The following CFAP299 variants were observed in gnomAD, a reference collection of about 807,000 sequenced individuals.
The protein encoded by CFAP299 is cilia and flagella associated protein 299.
CFAP299 carries 21 observed loss-of-function variants against 27.0 expected under a neutral mutation model. The ratio of observed to expected loss-of-function variants is 0.78; its 90% CI spans 0.55 to 1.12. CFAP299 has a LOEUF of 1.12. Among genes scored for constraint, CFAP299 ranks in the 50% most tolerant of loss-of-function variants. The pLI, the probability that CFAP299 is intolerant of heterozygous loss-of-function variation, is 0.00. For synonymous variants in CFAP299, 104 were observed against 98.1 expected, an observed-to-expected ratio of 1.06 and a Z score of -0.36; for missense variants, 310 against 276.6, an observed-to-expected ratio of 1.12 and a Z score of -0.86.
chr4:80,732,159 A>T (rs1435333104), intron 3 of CFAP299, among the ~76,000 whole-genome samples: 1 of 152,146 alleles, frequency 6.6e-6, no homozygotes, highest in Non-Finnish European at 1.5e-5. Context: ...CTGATTGGAA[A>T]TGTTCCAGAA....
intron 2 of CFAP299, among the ~76,000 whole-genome samples, chr4:80,417,448 G>T (rs1031355173): frequency 6.6e-6 from 1 of 152,066 alleles, no homozygotes; most frequent in African/African-American, 2.4e-5. Context: ...AGATGGAGTT[G>T]CCCTGATTCA....
intron 3 of CFAP299, among the ~76,000 whole-genome samples, chr4:80,656,472 A>G (rs1055037523): frequency 5.3e-5 from 8 of 151,890 alleles, no homozygotes; most frequent in Non-Finnish European, 1.0e-4. Flanking sequence ...GAGAACATGC[A>G]GTGTTTGGTT....
At chr4:80,761,926 A>G (rs1725561339) in intron 3 of CFAP299, among the ~76,000 whole-genome samples, 1 of 152,030 alleles carries the variant, frequency 6.6e-6, no homozygotes. Context: ...AATCAATATA[A>G]TTTTAGTACA....
chr4:80,775,410 A>G (rs1726478153), intron 3 of CFAP299, among the ~76,000 whole-genome samples: 1 of 152,034 alleles, frequency 6.6e-6, no homozygotes, highest in African/African-American at 2.4e-5. Context: ...ATGTATATTT[A>G]ATTTATTTAT....
At chr4:80,434,216 C>A (rs1727957124) in intron 2 of CFAP299, among the ~76,000 whole-genome samples, 1 of 152,022 alleles carries the variant, frequency 6.6e-6, no homozygotes, top group Admixed American at 6.6e-5. Context: ...CACAATACCC[C>A]AACATATTAG....
chr4:80,492,295 G>A (rs148479706), intron 2 of CFAP299, among the ~76,000 whole-genome samples: 677 of 152,224 alleles, frequency 4.4e-3, no homozygotes, highest in Middle Eastern at 0.01. Flanking sequence ...GCTATGTCAT[G>A]GGCCATGGTC....
At chr4:80,737,819 A>G (rs1010547150) in intron 3 of CFAP299, among the ~76,000 whole-genome samples, 1 of 152,104 alleles carries the variant, frequency 6.6e-6, no homozygotes, top group Admixed American at 6.6e-5. Context: ...GAGGTCAACA[A>G]CTTCAGGTTG....
chr4:80,668,142 GT>G (rs1295077523), intron 3 of CFAP299, among the ~76,000 whole-genome samples: 10 of 110,224 alleles, frequency 9.1e-5, no homozygotes, highest in South Asian at 7.5e-4. Flanking sequence ...CAGTTCTTTT[GT>G]TTGTTTTTAA....
intron 3 of CFAP299, among the ~76,000 whole-genome samples, chr4:80,737,209 T>C (rs1284930143): frequency 6.6e-6 from 1 of 151,812 alleles, no homozygotes; most frequent in Non-Finnish European, 1.5e-5. Flanking sequence ...ATGTACCTAA[T>C]GCTAGATGAC....
chr4:80,533,833 G>A (rs1158457051), intron 2 of CFAP299, among the ~76,000 whole-genome samples: 2 of 152,138 alleles, frequency 1.3e-5, no homozygotes, highest in East Asian at 1.9e-4. Flanking sequence ...TAGTTACATA[G>A]TAAGCTGTCC....
rs180986227 is a variant in CFAP299, at chr4:80,702,090, C to T, written c.333+118907C>T. Among the ~76,000 whole-genome samples, 6 of 151,910 alleles carry T rather than the reference C, an allele frequency of 3.9e-5. No homozygotes were observed. The East Asian group carries it at 1.2e-3, about 29-fold the overall frequency. Reference sequence around the variant, plus strand: ...GGAAAATGAGGTGAGGTGGAAAGAACTCTGCAGTGATGCAGAAGAAATGCA... The same window carrying T: ...GGAAAATGAGGTGAGGTGGAAAGAATTCTGCAGTGATGCAGAAGAAATGCA... On this transcript the variant is annotated intron_variant, in intron 3 of 5. Coordinates refer to ENST00000358105, the MANE Select transcript of CFAP299 (RefSeq NM_152770.3).
chr4:80,608,446 C>T, intron 3 of CFAP299: 1 of 957,616 alleles, frequency 1.0e-6, no homozygotes. Flanking sequence ...CTTCATCCTA[C>T]ATATATACTC....
chr4:80,565,435 A>G (rs11730141), intron 2 of CFAP299, among the ~76,000 whole-genome samples: 3,935 of 152,154 alleles, frequency 0.026, 170 homozygotes, highest in African/African-American at 0.087. Context: ...GAAAAGCAAT[A>G]TGACTAATTC....
intron 3 of CFAP299, among the ~76,000 whole-genome samples, chr4:80,732,207 G>A (rs984764018): frequency 6.6e-6 from 1 of 151,954 alleles, no homozygotes; most frequent in Admixed American, 6.6e-5. Flanking sequence ...CAGTTTCATG[G>A]TTTTCCCTCA....
intron 3 of CFAP299, among the ~76,000 whole-genome samples, chr4:80,854,841 A>T (rs1578185153): frequency 2.0e-5 from 3 of 147,096 alleles, no homozygotes; most frequent in South Asian, 2.1e-4. Context: ...AAAAAAACAG[A>T]AAAGGAAAAT....
At chr4:80,644,975 T>C (rs1056217738) in intron 3 of CFAP299, among the ~76,000 whole-genome samples, 1 of 152,132 alleles carries the variant, frequency 6.6e-6, no homozygotes, top group Non-Finnish European at 1.5e-5. Flanking sequence ...AAGATTTTAT[T>C]AACCTAGCTT....
intron 3 of CFAP299, among the ~76,000 whole-genome samples, chr4:80,762,763 C>T (rs1050299129): frequency 1.3e-5 from 2 of 152,032 alleles, no homozygotes; most frequent in Non-Finnish European, 2.9e-5. Flanking sequence ...AGTGTTGTGT[C>T]ACCAAAGCCA....
At chr4:80,913,251 C>A (rs1735570119) in intron 4 of CFAP299, among the ~76,000 whole-genome samples, 1 of 152,078 alleles carries the variant, frequency 6.6e-6, no homozygotes, top group African/African-American at 2.4e-5. Context: ...GCCATCCCAG[C>A]TGACAAAGAA....
At chr4:80,799,700 AAT>A (rs1728210847) in intron 3 of CFAP299, among the ~76,000 whole-genome samples, 1 of 56,738 alleles carries the variant, frequency 1.8e-5, no homozygotes, top group Non-Finnish European at 2.8e-5. Context: ...TAATATATAA[AAT>A]ATATATTTTA....
Sources: allele counts gnomAD v4.1 joint callset (sites outside exome capture counted in the v4.1 genomes callset), GRCh38; gene constraint gnomAD v4.1.1; transcripts MANE v1.5; gene names NCBI Gene and HGNC (gene_info 2026-07-23, HGNC 2026-07-21).